Variants in SNRPD3 observed in about 807,000 individuals in gnomAD.
The protein encoded by SNRPD3 is small nuclear ribonucleoprotein D3 polypeptide.
For synonymous variants in SNRPD3, 66 were observed against 58.4 expected (o/e 1.13, Z -0.59); for missense variants, 73 against 167.5 (o/e 0.44, Z 3.11).
chr22:24,566,803 G>A (rs574869174), intron 2 of SNRPD3, among the ~76,000 whole-genome samples: 5 of 152,284 alleles, frequency 3.3e-5, no homozygotes, highest in African/African-American at 1.2e-4. Context: ...CTGGCAGATT[G>A]GTATCACCCT....
At chr22:24,562,966 A>G (rs1211825554) in intron 2 of SNRPD3, among the ~76,000 whole-genome samples, 1 of 152,238 alleles carries the variant, frequency 6.6e-6, no homozygotes, top group Non-Finnish European at 1.5e-5. Flanking sequence ...TACAGGAGAC[A>G]CTATTAGATG....
intron 3 of SNRPD3, among the ~76,000 whole-genome samples, 164 bp from the exon 4 acceptor site, chr22:24,571,750 TAA>T (rs1555893405): frequency 1.5e-5 from 2 of 131,484 alleles, no homozygotes; most frequent in African/African-American, 2.8e-5. Flanking sequence ...TCTCAAAAAA[TAA>T]AAAAAAAAAA....
intron 3 of SNRPD3, among the ~76,000 whole-genome samples, chr22:24,569,720 C>T (rs2045231324): frequency 6.6e-6 from 1 of 152,222 alleles, no homozygotes; most frequent in African/African-American, 2.4e-5. Flanking sequence ...TCTCACGTCT[C>T]ACTCCTTGGG....
intron 3 of SNRPD3, among the ~76,000 whole-genome samples, chr22:24,570,432 C>A (rs1019825650): frequency 6.6e-6 from 1 of 152,174 alleles, no homozygotes; most frequent in Non-Finnish European, 1.5e-5. Flanking sequence ...TGCCTGTAAT[C>A]CTAGCACTTT....
At position 24,556,050 on chromosome 22, in the gene SNRPD3, G is replaced by C; in HGVS notation, c.-40G>C. 3.2e-6 allele frequency: 2 copies of C among 615,840 alleles called. No individual in the cohort carries two copies. Among genetic ancestry groups the C allele is most frequent in the South Asian group, 2.0e-5 (1 of 50,386 alleles). 38.1% of individuals were successfully genotyped at this position (615,840 alleles called of 1,614,324 possible). On this transcript the variant is annotated 5_prime_UTR_variant, in exon 1 of 4. Coordinates refer to ENST00000215829, the MANE Select transcript of SNRPD3 (RefSeq NM_004175.5). Reference sequence around the variant, plus strand: ...AGCATCTTTCGCAGCGGACCGAAGAGAAGAAAAGTAGGCCAGAGCCGGTGA... The same window carrying C: ...AGCATCTTTCGCAGCGGACCGAAGACAAGAAAAGTAGGCCAGAGCCGGTGA...
At chr22:24,570,569 G>C (rs1310657243) in intron 3 of SNRPD3, among the ~76,000 whole-genome samples, 1 of 152,074 alleles carries the variant, frequency 6.6e-6, no homozygotes, top group Non-Finnish European at 1.5e-5. Context: ...TGTAGTCCCA[G>C]CTACTCGGGA....
upstream of SNRPD3, chr22:24,555,773 C>G (rs1437004445): frequency 6.5e-7 from 1 of 1,550,334 alleles, no homozygotes; most frequent in South Asian, 1.2e-5. Flanking sequence ...AGCACCCTCT[C>G]TGGCTCTTTG....
intron 2 of SNRPD3, among the ~76,000 whole-genome samples, chr22:24,564,601 C>T (rs2147125069): frequency 6.6e-6 from 1 of 152,292 alleles, no homozygotes; most frequent in Non-Finnish European, 1.5e-5. Context: ...CAGTAGTGAG[C>T]CTGGTTGTTA....
intron 2 of SNRPD3, among the ~76,000 whole-genome samples, chr22:24,559,197 T>G (rs192310581): frequency 6.6e-4 from 101 of 152,328 alleles, no homozygotes; most frequent in Middle Eastern, 6.8e-3. Context: ...GATTTTTCTG[T>G]AGCTTTGAGC....
intron 2 of SNRPD3, among the ~76,000 whole-genome samples, chr22:24,559,383 C>G (rs1185046842): frequency 6.6e-6 from 1 of 152,170 alleles, no homozygotes; most frequent in Non-Finnish European, 1.5e-5. Context: ...CATGCTCATC[C>G]ACTTTAAGGT....
At chr22:24,560,717 T>C (rs1195727443) in intron 2 of SNRPD3, among the ~76,000 whole-genome samples, 16 of 320 alleles carry the variant, frequency 0.05, 2 homozygotes, top group Non-Finnish European at 0.29. Flanking sequence ...CACCTGGCCT[T>C]TTTTTTTTTT....
At chr22:24,568,280 C>G (rs2045214884) in intron 3 of SNRPD3, 104 bp downstream of exon 3, 2 of 789,512 alleles carry the variant, frequency 2.5e-6, no homozygotes, top group East Asian at 2.7e-5. Context: ...GACCTCTGCT[C>G]TCTCCACACC....
intron 1 of SNRPD3, 137 bp from the exon 2 acceptor site, chr22:24,557,520 T>TC: frequency 1.6e-6 from 1 of 609,826 alleles, no homozygotes; most frequent in Non-Finnish European, 2.8e-6. Context: ...GCTTTTTTTT[T>TC]TTTCCTTGGT....
At chr22:24,560,428 C>CTTTTTTTTTTTTTTTTT (rs60835175) in intron 2 of SNRPD3, among the ~76,000 whole-genome samples, 1 of 49,074 alleles carries the variant, frequency 2.0e-5, no homozygotes, top group African/African-American at 8.0e-5. Flanking sequence ...AGCTTGCTTG[C>CTTTTTTTTTTTTTTTTT]TTTTTTTTTT....
At position 24,557,650 on chromosome 22, in the gene SNRPD3, A is replaced by G. The variant is rs532525714; in HGVS notation, c.-18-7A>G. The stretch of plus-strand genomic sequence containing the variant: ...AGATGAACTGACTGTTGTCTCTCTC[A>G]TTGTAGAACTCTCTTCCTGCCAAGA... On this transcript the variant is annotated splice_polypyrimidine_tract_variant and splice_region_variant and intron_variant, in intron 1 of 3. Transcript: ENST00000215829. 2.5e-6 allele frequency: 4 copies of G among 1,606,956 alleles called. No individual in the cohort carries two copies. The highest frequency in any genetic ancestry group is 1.3e-5 in the African/African-American group (1 of 74,696).
chr22:24,556,680 C>G (rs977678353), intron 1 of SNRPD3, among the ~76,000 whole-genome samples: 2 of 152,224 alleles, frequency 1.3e-5, no homozygotes, highest in Non-Finnish European at 2.9e-5. Flanking sequence ...ATGCTGCTAT[C>G]TTTTCATTGC....
At chr22:24,568,277 G>A (rs1434363642) in intron 3 of SNRPD3, 101 bp downstream of exon 3, 8 of 856,026 alleles carry the variant, frequency 9.3e-6, no homozygotes, top group Non-Finnish European at 1.5e-5. Flanking sequence ...TTTGACCTCT[G>A]CTCTCTCCAC....
intron 1 of SNRPD3, among the ~76,000 whole-genome samples, chr22:24,556,315 TA>T (rs1377590829): frequency 6.6e-6 from 1 of 152,090 alleles, no homozygotes; most frequent in Non-Finnish European, 1.5e-5. Flanking sequence ...TTCCAGGCAG[TA>T]ATCTCGAAGT....
intron 2 of SNRPD3, among the ~76,000 whole-genome samples, chr22:24,563,218 G>A (rs1421484854): frequency 1.1e-5 from 1 of 93,014 alleles, no homozygotes; most frequent in African/African-American, 3.5e-5. Context: ...GTGTGTGTGT[G>A]TGTGTGTGTG....
Sources: gnomAD v4.1 joint callset for allele counts (sites outside exome capture counted in the v4.1 genomes callset) on GRCh38, gnomAD v4.1.1 for gene constraint, MANE v1.5 for transcripts, NCBI Gene and HGNC (gene_info 2026-07-23, HGNC 2026-07-21) for gene names.